The following AFF2 variants were observed in gnomAD, a reference collection of about 807,000 sequenced individuals.
AFF2 encodes ALF transcription elongation factor 2.
AFF2 carries 14 observed loss-of-function variants against 76.9 expected under a neutral mutation model. The observed-to-expected ratio is 0.18, with a 90% CI of 0.12 to 0.28. The LOEUF (loss-of-function observed/expected upper bound fraction) is 0.28. AFF2 is among the 10% of genes least tolerant of loss of function. The pLI is 1.00. For missense variants in AFF2, 868 were observed against 1,001.1 expected, an observed-to-expected ratio of 0.87 and a Z score of 1.79; for synonymous variants, 398 against 366.7, an observed-to-expected ratio of 1.09 and a Z score of -0.98.
chrX:148,885,503 T>C (rs1194468957), intron 7 of AFF2, among the ~76,000 whole-genome samples: 5 of 111,056 alleles, frequency 4.5e-5, no homozygotes, highest in African/African-American at 9.8e-5. Context: ...ATGGTTATCA[T>C]GCCCCTCTTC....
rs1603267956 is a variant in AFF2, at chrX:148,652,004, A to G, written c.53A>G (p.Tyr18Cys). 2.5e-6 allele frequency: 3 copies of G among 1,189,042 alleles called. No homozygotes were observed. The highest frequency in any genetic ancestry group is 3.0e-5 in the East Asian group (1 of 33,430). Residue 18 changes from tyrosine (Y) to cysteine (C), a missense_variant, in exon 2 of 21, where the codon TAT becomes TGT. Coordinates refer to ENST00000370460, the MANE Select transcript of AFF2 (RefSeq NM_002025.4). Reference sequence around the variant, plus strand: ...TCTTTTCCTTTTCATATCAGTCACTATGAACAAGACCGTAGTGCACTTAAA... The same window carrying G: ...TCTTTTCCTTTTCATATCAGTCACTGTGAACAAGACCGTAGTGCACTTAAA... ...RDWDLEQQCH[Y>C]EQDRSALKKR... is the part of the protein sequence containing the mutation.
chrX:148,911,544 C>A (rs1335190298), intron 9 of AFF2, among the ~76,000 whole-genome samples: 1 of 111,789 alleles, frequency 8.9e-6, no homozygotes, highest in Admixed American at 9.5e-5. Context: ...TTCCCTGGAG[C>A]ATCACTGTGC....
rs185657765 is a variant in AFF2 at position 148,976,653 on chromosome X, C to T, written c.3405-1280C>T. 3.6e-3 allele frequency among the ~76,000 whole-genome samples: 400 copies of T among 111,463 alleles called. 3 individuals carry two copies. The highest frequency in any genetic ancestry group is 0.013 in the African/African-American group (389 of 30,637). On this transcript the variant is annotated intron_variant, in intron 16 of 20. Transcript: ENST00000370460. Reference sequence around the variant, plus strand: ...GAAGAAATTTTTATTACTCTCTCCCCGACAGTATGCTGGCTACAGAGAGAG... The same window carrying T: ...GAAGAAATTTTTATTACTCTCTCCCTGACAGTATGCTGGCTACAGAGAGAG...
chrX:148,852,395 T>TG (rs2070741427), intron 7 of AFF2, among the ~76,000 whole-genome samples: 1 of 107,098 alleles, frequency 9.3e-6, no homozygotes, highest in Admixed American at 1.0e-4. Context: ...GCTGGTTTTT[T>TG]TTTTTTTTTT....
chrX:148,939,554 A>G (rs1286535542), intron 9 of AFF2, among the ~76,000 whole-genome samples: 2 of 112,156 alleles, frequency 1.8e-5, no homozygotes, highest in African/African-American at 3.2e-5. Context: ...GCTGGCAGCA[A>G]TATCATTTTT....
chrX:148,664,737 A>T (rs2054341529), intron 3 of AFF2, among the ~76,000 whole-genome samples: 3 of 112,662 alleles, frequency 2.7e-5, no homozygotes, highest in African/African-American at 9.7e-5. Context: ...TGAATGAATG[A>T]ATTTCAAAAA....
chrX:148,628,209 C>G (rs782018851), intron 1 of AFF2, among the ~76,000 whole-genome samples: 41 of 110,974 alleles, frequency 3.7e-4, no homozygotes, highest in Non-Finnish European at 6.8e-4. Flanking sequence ...GTGAATGTAC[C>G]TAATGCCACT....
chrX:148,891,447 C>G (rs958524926), intron 8 of AFF2, among the ~76,000 whole-genome samples: 6 of 111,521 alleles, frequency 5.4e-5, no homozygotes, highest in African/African-American at 9.8e-5. Context: ...ATATAAGCAG[C>G]CTAATCAGTC....
chrX:148,577,676 T>C (rs2053306238), intron 1 of AFF2, among the ~76,000 whole-genome samples: 1 of 112,410 alleles, frequency 8.9e-6, no homozygotes, highest in African/African-American at 3.2e-5. Flanking sequence ...CCACACATGT[T>C]TGAACTATTT....
intron 9 of AFF2, among the ~76,000 whole-genome samples, chrX:148,914,180 A>G (rs1374302701): frequency 9.0e-6 from 1 of 111,287 alleles, no homozygotes; most frequent in Admixed American, 9.6e-5. Context: ...CCCAGTGAAC[A>G]GTGGGGAGAG....
intron 3 of AFF2, among the ~76,000 whole-genome samples, chrX:148,726,148 T>C (rs1557264229): frequency 8.9e-6 from 1 of 112,199 alleles, no homozygotes; most frequent in African/African-American, 3.2e-5. Flanking sequence ...GAGGAATCCA[T>C]GTGCAGGCTT....
At chrX:148,885,357 C>A (rs2071145260) in intron 7 of AFF2, among the ~76,000 whole-genome samples, 1 of 111,414 alleles carries the variant, frequency 9.0e-6, no homozygotes, top group Admixed American at 9.5e-5. Flanking sequence ...CTAGCCATTT[C>A]TCTCCCAGCT....
chrX:148,731,318 G>A (rs1484296187), intron 3 of AFF2, among the ~76,000 whole-genome samples: 1 of 111,704 alleles, frequency 9.0e-6, no homozygotes, highest in Non-Finnish European at 1.9e-5. Context: ...TCATAGGAAT[G>A]GGAAGATTTT....
intron 1 of AFF2, among the ~76,000 whole-genome samples, chrX:148,585,765 C>T (rs1202202685): frequency 4.7e-5 from 5 of 106,384 alleles, no homozygotes; most frequent in Non-Finnish European, 7.7e-5. Flanking sequence ...GGTGTGAACC[C>T]GGCAAGTGGA....
intron 7 of AFF2, among the ~76,000 whole-genome samples, chrX:148,859,121 CA>C (rs2070818341): frequency 9.5e-6 from 1 of 105,406 alleles, no homozygotes; most frequent in Non-Finnish European, 1.9e-5. Context: ...AACAGCATTA[CA>C]TTGATTCAAA....
At chrX:148,564,379 G>A (rs890167165) in intron 1 of AFF2, among the ~76,000 whole-genome samples, 1 of 108,886 alleles carries the variant, frequency 9.2e-6, no homozygotes, top group East Asian at 3.0e-4. Context: ...TAGAGGAGCT[G>A]CCTCATTCAT....
intron 3 of AFF2, among the ~76,000 whole-genome samples, chrX:148,685,914 TTCTC>T (rs1291679835): frequency 1.3e-4 from 14 of 108,474 alleles, no homozygotes; most frequent in African/African-American, 3.0e-4. Flanking sequence ...CTTTCTTTCT[TTCTC>T]TCTCTCTCTC....
chrX:148,897,272 TGTATATGAA>T (rs1346426898), intron 8 of AFF2, among the ~76,000 whole-genome samples: 1 of 9,864 alleles, frequency 1.0e-4, no homozygotes, highest in Non-Finnish European at 1.7e-4. Flanking sequence ...TATATATATA[TGTATATGAA>T]AAATATATAT....
At chrX:148,967,842 C>A in intron 15 of AFF2, 150 bp downstream of exon 15, 1 of 465,975 alleles carries the variant, frequency 2.1e-6, no homozygotes, top group Non-Finnish European at 3.6e-6. Context: ...GAGATTTGAA[C>A]TAGTGAATTA....
Sources: allele counts gnomAD v4.1 joint callset (sites outside exome capture counted in the v4.1 genomes callset), GRCh38; gene constraint gnomAD v4.1.1; transcripts MANE v1.5; gene names NCBI Gene and HGNC (gene_info 2026-07-23, HGNC 2026-07-21).